CDYL: variants seen among roughly 807,000 people sequenced by gnomAD.
The protein encoded by CDYL is chromodomain Y like.
In CDYL, 8 loss-of-function variants were observed where a neutral mutation model predicts 47.3. The observed-to-expected ratio is 0.17, with a 90% CI of 0.10 to 0.31. CDYL has a LOEUF of 0.31. CDYL is among the 10% of genes least tolerant of loss of function. CDYL has a pLI of 1.00. For missense variants in CDYL, 471 were observed against 701.4 expected, an observed-to-expected ratio of 0.67 and a Z score of 3.71; for synonymous variants, 266 against 265.0, an observed-to-expected ratio of 1.00 and a Z score of -0.04.
At position 4,910,988 on chromosome 6, in the gene CDYL, C is replaced by A. The variant is rs149573416; in HGVS notation, c.691+18609C>A. ...AGCTGGGACTACAGGCGCCTGCCAC[C>A]ACGCCCGGCTAATCTTTTTTTTGTA... On this transcript the variant is annotated intron_variant, in intron 2 of 6. Coordinates refer to ENST00000397588, the MANE Select transcript of CDYL (RefSeq NM_004824.4). Among the ~76,000 whole-genome samples, 1,505 of 152,280 alleles carry A rather than the reference C, an allele frequency of 9.9e-3. 63 individuals carry two copies. The highest frequency in any genetic ancestry group is 0.068 in the Admixed American group (1,038 of 15,286).
At chr6:4,720,015 T>C (rs1386102614) in intron 2 of CDYL, among the ~76,000 whole-genome samples, 1 of 152,240 alleles carries the variant, frequency 6.6e-6, no homozygotes, top group Non-Finnish European at 1.5e-5. Context: ...TGTGACCCAA[T>C]AATTATTAAG....
intron 5 of CDYL, among the ~76,000 whole-genome samples, chr6:4,944,351 A>G (rs925625728): frequency 1.3e-5 from 2 of 152,190 alleles, no homozygotes; most frequent in African/African-American, 2.4e-5. Flanking sequence ...TACCTGTGGA[A>G]GGGATGGGAA....
intron 1 of CDYL, among the ~76,000 whole-genome samples, chr6:4,792,078 C>G (rs1218732971): frequency 6.8e-6 from 1 of 146,598 alleles, no homozygotes; most frequent in Non-Finnish European, 1.5e-5. Flanking sequence ...ATTTTTAGTA[C>G]AGACGGGGTT....
At chr6:4,952,483 T>G in intron 6 of CDYL, 74 bp downstream of exon 6, 2 of 1,514,566 alleles carry the variant, frequency 1.3e-6, no homozygotes, top group Non-Finnish European at 1.8e-6. Context: ...CTCACAAATT[T>G]GCAATTATTC....
chr6:4,918,649 G>A (rs7738459), intron 2 of CDYL, among the ~76,000 whole-genome samples: 127,983 of 152,250 alleles, frequency 0.84, 53,973 homozygotes, highest in Admixed American at 0.89. Flanking sequence ...AAGATTGACC[G>A]CGCTTGAATA....
chr6:4,839,982 G>A, intron 1 of CDYL, among the ~76,000 whole-genome samples: 1 of 152,048 alleles, frequency 6.6e-6, no homozygotes. Flanking sequence ...GATGGGAATT[G>A]CATTGAATTT....
intron 1 of CDYL, among the ~76,000 whole-genome samples, chr6:4,821,109 C>T (rs889535611): frequency 6.6e-6 from 1 of 151,986 alleles, no homozygotes; most frequent in East Asian, 1.9e-4. Flanking sequence ...TTCTTTCTTG[C>T]CTTTTCATCT....
intron 1 of CDYL, among the ~76,000 whole-genome samples, chr6:4,790,743 T>C (rs895639505): frequency 1.3e-5 from 2 of 152,186 alleles, no homozygotes; most frequent in Non-Finnish European, 2.9e-5. Context: ...AATTACAGAA[T>C]AGAAAATGAA....
chr6:4,794,978 G>A (rs1581171247), intron 1 of CDYL, among the ~76,000 whole-genome samples: 1 of 148,750 alleles, frequency 6.7e-6, no homozygotes, highest in South Asian at 2.1e-4. Context: ...TTTTCTTTTC[G>A]AACTCCTGCA....
At chr6:4,938,418 G>A (rs1758266940) in intron 4 of CDYL, among the ~76,000 whole-genome samples, 1 of 151,984 alleles carries the variant, frequency 6.6e-6, no homozygotes, top group Admixed American at 6.5e-5. Flanking sequence ...TGAACATTTT[G>A]TTATAATTTT....
In CDYL at chr6:4,954,923, T is replaced by C. The variant is rs902278154; in HGVS notation, c.*867T>C. ...AGAAATACTACTTTATAGACAGTTTTGGTTTTCTGTTTGCAGATATGATTG... is the reference window on the plus strand; with the variant it reads ...AGAAATACTACTTTATAGACAGTTTCGGTTTTCTGTTTGCAGATATGATTG... On this transcript the variant is annotated 3_prime_UTR_variant, in exon 7 of 7. Coordinates refer to ENST00000397588, the MANE Select transcript of CDYL (RefSeq NM_004824.4). 6.6e-6 allele frequency: 1 copy of C among 152,248 alleles called. No individual in the cohort carries two copies. Among genetic ancestry groups the C allele is most frequent in the Non-Finnish European group, 1.5e-5 (1 of 68,050 alleles). 9.4% of individuals were successfully genotyped at this position (152,248 alleles called of 1,614,324 possible).
chr6:4,724,653 G>C (rs545436703), intron 2 of CDYL: 1 of 152,326 alleles, frequency 6.6e-6, no homozygotes, highest in Non-Finnish European at 1.5e-5. Context: ...AAGTGAAGCT[G>C]CAGACCTTCG....
At chr6:4,951,446 T>A (rs906914461) in intron 5 of CDYL, among the ~76,000 whole-genome samples, 7 of 152,136 alleles carry the variant, frequency 4.6e-5, no homozygotes, top group African/African-American at 1.7e-4. Context: ...AGTGATCTAG[T>A]TCAGTGTCAT....
chr6:4,793,373 G>A (rs911213783), intron 1 of CDYL, among the ~76,000 whole-genome samples: 26 of 152,236 alleles, frequency 1.7e-4, no homozygotes, highest in African/African-American at 5.3e-4. Flanking sequence ...TTATTTTTAG[G>A]TGAAGCAATC....
intron 2 of CDYL, among the ~76,000 whole-genome samples, chr6:4,724,047 TTG>T (rs1224781486): frequency 3.9e-5 from 6 of 152,104 alleles, no homozygotes; most frequent in Non-Finnish European, 1.5e-5. Flanking sequence ...CCCTCACTTT[TTG>T]TGCGCGTTTG....
chr6:4,830,261 A>G (rs1429698975), intron 1 of CDYL, among the ~76,000 whole-genome samples: 1 of 152,262 alleles, frequency 6.6e-6, no homozygotes, highest in Non-Finnish European at 1.5e-5. Context: ...TATATAATAA[A>G]CAGTGTTAAT....
intron 3 of CDYL, among the ~76,000 whole-genome samples, chr6:4,758,796 G>A (rs976038488): frequency 6.6e-6 from 1 of 151,922 alleles, no homozygotes; most frequent in African/African-American, 2.4e-5. Flanking sequence ...GTATATTTTT[G>A]TACGGTTGAA....
chr6:4,952,550 C>A, intron 6 of CDYL, 141 bp downstream of exon 6: 3 of 875,492 alleles, frequency 3.4e-6, no homozygotes, highest in Non-Finnish European at 3.3e-6. Flanking sequence ...CCTGCCAGAA[C>A]CTATTGCCGC....
chr6:4,760,760 A>G (rs186676375), intron 3 of CDYL, among the ~76,000 whole-genome samples: 6 of 152,298 alleles, frequency 3.9e-5, no homozygotes, highest in Admixed American at 3.9e-4. Flanking sequence ...GAAAGGGAGA[A>G]ATCTGGGCTT....
Sources: gnomAD v4.1 joint callset for allele counts (sites outside exome capture counted in the v4.1 genomes callset) on GRCh38, gnomAD v4.1.1 for gene constraint, MANE v1.5 for transcripts, NCBI Gene and HGNC (gene_info 2026-07-23, HGNC 2026-07-21) for gene names.